The following OTUD7A variants were observed in gnomAD, a reference collection of about 807,000 sequenced individuals.
The protein encoded by OTUD7A is OTU domain-containing protein 7A.
In OTUD7A, 12 loss-of-function variants were observed where a neutral mutation model predicts 65.7. The observed-to-expected ratio is 0.18, with a 90% CI of 0.12 to 0.30. The LOEUF (loss-of-function observed/expected upper bound fraction) is 0.30. OTUD7A is among the 10% of genes least tolerant of loss of function. The pLI, the probability that OTUD7A is intolerant of heterozygous loss-of-function variation, is 1.00. For synonymous variants in OTUD7A, 641 were observed against 586.3 expected, an observed-to-expected ratio of 1.09 and a Z score of -1.35; for missense variants, 1,148 against 1,304.8, an observed-to-expected ratio of 0.88 and a Z score of 1.85.
intron 3 of OTUD7A, among the ~76,000 whole-genome samples, chr15:31,632,411 T>C (rs1178841877): frequency 6.6e-6 from 1 of 152,192 alleles, no homozygotes; most frequent in African/African-American, 2.4e-5. Flanking sequence ...GCGGTGCCTG[T>C]AGAACAGCGG....
chr15:31,637,928 G>A (rs1891391512), intron 3 of OTUD7A, among the ~76,000 whole-genome samples: 1 of 152,204 alleles, frequency 6.6e-6, no homozygotes, highest in Admixed American at 6.5e-5. Context: ...TCTGCTCCTG[G>A]TAAAGATGCT....
intron 5 of OTUD7A, among the ~76,000 whole-genome samples, chr15:31,553,528 C>A (rs1888393753): frequency 6.6e-6 from 1 of 152,116 alleles, no homozygotes; most frequent in Non-Finnish European, 1.5e-5. Context: ...AGCAACTTTA[C>A]AAGTCTCACT....
At chr15:31,854,604 A>T (rs1487161982) in intron 1 of OTUD7A, among the ~76,000 whole-genome samples, 1 of 152,086 alleles carries the variant, frequency 6.6e-6, no homozygotes, top group Non-Finnish European at 1.5e-5. Flanking sequence ...GAAAGACCCT[A>T]CTGATTATAT....
chr15:31,772,120 C>T (rs1040588989), intron 1 of OTUD7A, among the ~76,000 whole-genome samples: 15 of 82,138 alleles, frequency 1.8e-4, no homozygotes, highest in African/African-American at 3.6e-4. Flanking sequence ...GGCGTAGTGG[C>T]GGGCGCCTGT....
chr15:31,835,647 CACACACACAT>C, intron 1 of OTUD7A, among the ~76,000 whole-genome samples: 1 of 152,158 alleles, frequency 6.6e-6, no homozygotes, highest in East Asian at 1.9e-4. Context: ...TTCACATACG[CACACACACAT>C]ATACACACAT....
At chr15:31,668,224 T>TC (rs1337676984) in intron 1 of OTUD7A, among the ~76,000 whole-genome samples, 2 of 152,190 alleles carry the variant, frequency 1.3e-5, no homozygotes, top group Non-Finnish European at 2.9e-5. Context: ...CCTCCATTAT[T>TC]CCCCCCAAAT....
intron 8 of OTUD7A, among the ~76,000 whole-genome samples, chr15:31,505,912 G>A (rs1290895981): frequency 6.6e-6 from 1 of 151,886 alleles, no homozygotes; most frequent in Non-Finnish European, 1.5e-5. Context: ...ACCACGCCCG[G>A]CTAATTTTTT....
At chr15:31,820,497 T>C (rs1896651606) in intron 1 of OTUD7A, among the ~76,000 whole-genome samples, 1 of 152,236 alleles carries the variant, frequency 6.6e-6, no homozygotes, top group Admixed American at 6.5e-5. Context: ...ACATATACAG[T>C]GTGTCAGGCA....
At position 31,527,164 on chromosome 15, in the gene OTUD7A, T is replaced by C. The variant is rs199823783; in HGVS notation, c.780+17A>G. Reference sequence around the variant, plus strand: ...TGGCCTGGGTCCCGGGCTCTGGCCATGCCAGTGGATACCAACCTCCTTATT... The same window carrying C: ...TGGCCTGGGTCCCGGGCTCTGGCCACGCCAGTGGATACCAACCTCCTTATT... On this transcript the variant is annotated intron_variant, in intron 7 of 12. Transcript: ENST00000307050. 2.6e-5 allele frequency: 42 copies of C among 1,613,938 alleles called. No homozygotes were observed. The highest frequency in any genetic ancestry group is 3.4e-5 in the Non-Finnish European group (40 of 1,179,918).
chr15:31,839,083 G>A (rs925289216), intron 1 of OTUD7A, among the ~76,000 whole-genome samples: 5 of 152,254 alleles, frequency 3.3e-5, no homozygotes, highest in African/African-American at 1.2e-4. Flanking sequence ...CAGCTGGTGG[G>A]AGAACCAGCA....
chr15:31,854,361 C>T (rs1201582668), intron 1 of OTUD7A, among the ~76,000 whole-genome samples: 1 of 152,202 alleles, frequency 6.6e-6, no homozygotes, highest in Admixed American at 6.5e-5. Context: ...TGAAAACTCC[C>T]TCTTGCCACA....
intron 3 of OTUD7A, among the ~76,000 whole-genome samples, chr15:31,575,049 C>G (rs1040131374): frequency 1.3e-5 from 2 of 152,186 alleles, no homozygotes; most frequent in African/African-American, 2.4e-5. Flanking sequence ...CTCACTCTGC[C>G]TCCTGACTGT....
At chr15:31,855,710 G>A (rs574492110) in intron 1 of OTUD7A, among the ~76,000 whole-genome samples, 2 of 152,292 alleles carry the variant, frequency 1.3e-5, no homozygotes, top group East Asian at 3.9e-4. Flanking sequence ...TGGGTGGGAG[G>A]AAAAGGAAGC....
At chr15:31,740,801 T>A (rs1396694262) in intron 1 of OTUD7A, among the ~76,000 whole-genome samples, 2 of 152,042 alleles carry the variant, frequency 1.3e-5, no homozygotes, top group African/African-American at 4.8e-5. Context: ...ATAGAAGACA[T>A]CTAAAGCATA....
At position 31,648,848 on chromosome 15, in the gene OTUD7A, C is replaced by T. The variant is rs141730968; in HGVS notation, c.151+6248G>A. 7.4e-4 allele frequency among the ~76,000 whole-genome samples: 113 copies of T among 152,264 alleles called. 1 individual carries two copies. The East Asian group carries it at 0.018, about 24-fold the overall frequency. On this transcript the variant is annotated intron_variant, in intron 3 of 12. Coordinates refer to ENST00000307050, the MANE Select transcript of OTUD7A (RefSeq NM_001382637.1). ...CGATCTCAGCTCACTACAACCTCCGCCTCCTGGGTTTAAGCGATTCTCCTG... is the reference window on the plus strand; with the variant it reads ...CGATCTCAGCTCACTACAACCTCCGTCTCCTGGGTTTAAGCGATTCTCCTG...
intron 3 of OTUD7A, among the ~76,000 whole-genome samples, chr15:31,605,075 T>C (rs1204583583): frequency 6.6e-6 from 1 of 152,186 alleles, no homozygotes; most frequent in Non-Finnish European, 1.5e-5. Context: ...TCCACAGCTG[T>C]TTGTTTCTTT....
intron 3 of OTUD7A, among the ~76,000 whole-genome samples, chr15:31,652,936 T>A (rs1278878458): frequency 1.3e-5 from 2 of 152,094 alleles, no homozygotes; most frequent in Non-Finnish European, 2.9e-5. Flanking sequence ...CTTACAAGGT[T>A]AACATGTATT....
chr15:31,666,529 T>C (rs1283429373), intron 1 of OTUD7A, among the ~76,000 whole-genome samples: 1 of 152,180 alleles, frequency 6.6e-6, no homozygotes, highest in Non-Finnish European at 1.5e-5. Flanking sequence ...TCTCTCTTCT[T>C]TTCTTAGTTA....
At chr15:31,846,548 C>G (rs879697946) in intron 1 of OTUD7A, among the ~76,000 whole-genome samples, 1 of 152,108 alleles carries the variant, frequency 6.6e-6, no homozygotes, top group Admixed American at 6.5e-5. Context: ...CTCCAATGAC[C>G]TGCCAGGCTG....
Sources: gnomAD v4.1 joint callset for allele counts (sites outside exome capture counted in the v4.1 genomes callset) on GRCh38, gnomAD v4.1.1 for gene constraint, MANE v1.5 for transcripts, NCBI Gene and HGNC (gene_info 2026-07-23, HGNC 2026-07-21) for gene names.